DNAAF5: variants seen among roughly 807,000 people sequenced by gnomAD.
DNAAF5 encodes HEAT repeat containing 2.
DNAAF5 carries 64 observed loss-of-function variants against 75.8 expected under a neutral mutation model. That is an observed-to-expected ratio of 0.84 (90% CI 0.69 to 1.04). The LOEUF is 1.04. Ranked by LOEUF, DNAAF5 falls within the 50% of genes least tolerant of loss-of-function variation. The pLI is 0.00. For missense variants in DNAAF5, 1,269 were observed against 1,178.5 expected (o/e 1.08, Z -1.12); for synonymous variants, 657 against 557.2 (o/e 1.18, Z -2.52).
intron 2 of DNAAF5, among the ~76,000 whole-genome samples, chr7:734,141 A>G (rs1037628897): frequency 2.0e-5 from 3 of 152,194 alleles, no homozygotes; most frequent in African/African-American, 7.2e-5. Context: ...TACTGTGTTA[A>G]CTAACAGTGG....
At chr7:743,811 A>G (rs1781997897) in intron 4 of DNAAF5, among the ~76,000 whole-genome samples, 1 of 151,334 alleles carries the variant, frequency 6.6e-6, no homozygotes, top group African/African-American at 2.4e-5. Flanking sequence ...CGCCCAGCTA[A>G]TTTTGTATTT....
rs781360686 is a variant in DNAAF5, at chr7:785,926, A to G, written c.*273A>G. ...AGTCGCAGCCGCTCCTCCCGCAGCC[A>G]CTTCAGCAGCATCTTAGATTTTAAG... On this transcript the variant is annotated 3_prime_UTR_variant, in exon 13 of 13. Transcript: ENST00000297440. 3.0e-5 allele frequency: 12 copies of G among 395,300 alleles called. No individual in the cohort carries two copies. Among genetic ancestry groups the G allele is most frequent in the Non-Finnish European group, 5.0e-5 (11 of 219,908 alleles). 24.5% of individuals were successfully genotyped at this position (395,300 alleles called of 1,614,324 possible).
chr7:761,470 C>T (rs1348892992), intron 6 of DNAAF5, among the ~76,000 whole-genome samples: 2 of 152,276 alleles, frequency 1.3e-5, no homozygotes, highest in Non-Finnish European at 2.9e-5. Context: ...CTGTGCAGGC[C>T]TCACCATCAT....
rs77384933 is a variant in DNAAF5 at position 754,620 on chromosome 7, C to T, written c.1056C>T (p.Leu352=). 5,867 of 1,614,096 alleles carry T rather than the reference C, an allele frequency of 3.6e-3. 46 individuals are homozygous for T. The highest frequency in any genetic ancestry group is 0.021 in the African/African-American group (1,575 of 75,036). The change falls in exon 5 of 13, where the codon CTC becomes CTT. Residue 352 remains leucine, a synonymous_variant. Coordinates refer to ENST00000297440, the MANE Select transcript of DNAAF5 (RefSeq NM_017802.4). The surrounding 1 kb of genome is among the most constrained non-coding windows in gnomAD (Gnocchi z 4.8). ...ERRPVLGCRE[L]VFRNLSKILP... ...GCCCTGTGCTGGGCTGCCGGGAGCT[C>T]GTCTTCAGGAACCTCTCCAAGATCC...
intron 4 of DNAAF5, among the ~76,000 whole-genome samples, chr7:742,110 C>T (rs554297212): frequency 4.5e-4 from 69 of 152,332 alleles, no homozygotes; most frequent in African/African-American, 1.4e-3. Context: ...TGCTCTGCCA[C>T]GCCGCCGGCC....
chr7:750,106 G>A (rs1030690516), intron 4 of DNAAF5, among the ~76,000 whole-genome samples: 2 of 152,200 alleles, frequency 1.3e-5, no homozygotes, highest in African/African-American at 4.8e-5. Context: ...GGAGGAGGGT[G>A]GTCCCCTCTG....
At position 770,523 on chromosome 7, in the gene DNAAF5, T is replaced by G; in HGVS notation, c.1836T>G (p.Cys612Trp). 1 of 1,613,876 alleles carries G rather than the reference T, an allele frequency of 6.2e-7. No homozygotes were observed. Reference protein sequence around the residue: ...LPHVVPTLRACLQPSQDPQMR... With the variant: ...LPHVVPTLRAWLQPSQDPQMR... ...ACGTCGTGCCCACGCTGAGGGCCTG[T>G]CTGCAGCCCTCCCAAGACCCGCAGA... The change falls in exon 9 of 13, where the codon TGT becomes TGG. Residue 612 changes from cysteine (C) to tryptophan (W), a missense_variant. Physicochemically the swap from Cys to Trp is radical, Grantham distance 215 (BLOSUM62 -2). Coordinates refer to ENST00000297440, the MANE Select transcript of DNAAF5 (RefSeq NM_017802.4).
chr7:777,538 AG>A (rs1778804064), intron 11 of DNAAF5, among the ~76,000 whole-genome samples: 1 of 140,122 alleles, frequency 7.1e-6, no homozygotes, highest in African/African-American at 2.6e-5. Context: ...CACTACTTTG[AG>A]GAAAGGAGTT....
At chr7:750,530 A>G (rs1317772018) in intron 4 of DNAAF5, among the ~76,000 whole-genome samples, 2 of 152,210 alleles carry the variant, frequency 1.3e-5, no homozygotes, top group Non-Finnish European at 2.9e-5. Flanking sequence ...TTCAATTCTC[A>G]TAAGGAGCAC....
At chr7:774,257 C>T (rs1272244324) in intron 10 of DNAAF5, 59 bp downstream of exon 10, 2 of 1,501,612 alleles carry the variant, frequency 1.3e-6, no homozygotes, top group Non-Finnish European at 1.8e-6. Context: ...GGCTTCCTGG[C>T]GCCCGGCAGA....
rs567593345 is a variant in DNAAF5, at chr7:748,952, C to G, written c.1025-5637C>G. Among the ~76,000 whole-genome samples the G allele has an allele frequency of 5.0e-4, 76 of 152,178 alleles. 1 individual carries two copies. The highest frequency in any genetic ancestry group is 4.3e-4 in the Non-Finnish European group (29 of 68,038). The stretch of plus-strand genomic sequence containing the variant: ...CTATCAATAAGGAATTCACATGGGC[C>G]TGGATCTGAAGTTTCATCAGAGTCC... On this transcript the variant is annotated intron_variant, in intron 4 of 12. Coordinates refer to ENST00000297440, the MANE Select transcript of DNAAF5 (RefSeq NM_017802.4).
In DNAAF5 at chr7:785,569, G is replaced by A. The variant is rs769022469; in HGVS notation, c.2484G>A (p.Thr828=). ...GLFPDLLVRE[T]EAVIHKHRSA... ...TCCCAGATCTCCTGGTGAGGGAGACGGAGGCCGTCATCCACAAGCACCGCT... is the reference window on the plus strand; with the variant it reads ...TCCCAGATCTCCTGGTGAGGGAGACAGAGGCCGTCATCCACAAGCACCGCT... The change falls in exon 13 of 13, where the codon ACG becomes ACA. Residue 828 remains threonine (T), a synonymous_variant. Transcript: ENST00000297440. The A allele has an allele frequency of 2.0e-5, 33 of 1,613,330 alleles. No individual in the cohort carries two copies. The highest frequency in any genetic ancestry group is 1.3e-4 in the East Asian group (6 of 44,892).
chr7:754,604 T>C lies in DNAAF5; in HGVS notation c.1040T>C (p.Leu347Pro). The C allele has an allele frequency of 6.2e-7, 1 of 1,614,106 alleles. No homozygotes were observed. The highest frequency in any genetic ancestry group is 8.5e-7 in the Non-Finnish European group (1 of 1,179,934). Reference protein sequence around the residue: ...HYPPHERRPVLGCRELVFRNL... With the variant: ...HYPPHERRPVPGCRELVFRNL... Reference sequence around the variant, plus strand: ...TTCGTTCCAGAGCGCCGCCCTGTGCTGGGCTGCCGGGAGCTCGTCTTCAGG... The same window carrying C: ...TTCGTTCCAGAGCGCCGCCCTGTGCCGGGCTGCCGGGAGCTCGTCTTCAGG... The change falls in exon 5 of 13, where the codon CTG becomes CCG. Residue 347 changes from leucine to proline, a missense_variant. By Grantham distance (98) the Leu-to-Pro change is moderately conservative (BLOSUM62 -3). Coordinates refer to ENST00000297440, the MANE Select transcript of DNAAF5 (RefSeq NM_017802.4). The surrounding 1 kb of genome is among the most constrained non-coding windows in gnomAD (Gnocchi z 4.8).
At chr7:770,091 A>G (rs1778503825) in intron 8 of DNAAF5, among the ~76,000 whole-genome samples, 1 of 152,128 alleles carries the variant, frequency 6.6e-6, no homozygotes, top group African/African-American at 2.4e-5. Context: ...AGATGGGACT[A>G]CAGGTATATG....
intron 5 of DNAAF5, among the ~76,000 whole-genome samples, chr7:756,572 C>T (rs1168786099): frequency 6.6e-6 from 1 of 152,176 alleles, no homozygotes; most frequent in South Asian, 2.1e-4. Flanking sequence ...GAGGCGTGTC[C>T]GGCTCGCTGG....
chr7:772,990 C>T (rs1297194758), intron 9 of DNAAF5: 1 of 151,642 alleles, frequency 6.6e-6, no homozygotes, highest in Non-Finnish European at 1.5e-5. Flanking sequence ...TTTAAAAAAA[C>T]CTAAGCACTC....
intron 2 of DNAAF5, among the ~76,000 whole-genome samples, chr7:737,180 C>G (rs7780344): frequency 6.6e-6 from 1 of 151,212 alleles, no homozygotes; most frequent in Non-Finnish European, 1.5e-5. Flanking sequence ...ACTGCAACCT[C>G]CGCCTCCCAG....
chr7:730,429 C>G (rs1007106303), intron 2 of DNAAF5, among the ~76,000 whole-genome samples: 2 of 152,208 alleles, frequency 1.3e-5, no homozygotes, highest in African/African-American at 4.8e-5. Flanking sequence ...GACCTCTGAT[C>G]TTTCTGTCTC....
rs531599149 is a variant in DNAAF5 at position 738,180 on chromosome 7, A to G, written c.781-2639A>G. ...GCTGCTCACTAATTCTTTCTTCCACATAGTCAGTTCTGCTGTTGAGAGGCT... is the reference window on the plus strand; with the variant it reads ...GCTGCTCACTAATTCTTTCTTCCACGTAGTCAGTTCTGCTGTTGAGAGGCT... On this transcript the variant is annotated intron_variant, in intron 2 of 12. Transcript: ENST00000297440. 2.6e-5 allele frequency among the ~76,000 whole-genome samples: 4 copies of G among 152,206 alleles called. No individual in the cohort carries two copies. In the South Asian group the frequency reaches 8.3e-4, roughly 32 times the overall value.
Sources: gnomAD v4.1 joint callset for allele counts (sites outside exome capture counted in the v4.1 genomes callset) on GRCh38, gnomAD v4.1.1 for gene constraint, Gnocchi (gnomAD v3.1) non-coding constraint, MANE v1.5 for transcripts, NCBI Gene and HGNC (gene_info 2026-07-23, HGNC 2026-07-21) for gene names.